Variants in LRRC7 observed in about 807,000 individuals in gnomAD.
The protein encoded by LRRC7 is leucine-rich repeat-containing protein 7.
Under a neutral mutation model 175.7 loss-of-function variants are expected in LRRC7, and 23 were observed. That is an observed-to-expected ratio of 0.13 (90% confidence interval 0.09 to 0.19). LRRC7 has a LOEUF of 0.19. LRRC7 is among the 10% of genes least tolerant of loss of function. The pLI is 1.00. For missense variants in LRRC7, 1,354 were observed against 1,904.7 expected (o/e 0.71, Z 5.38); for synonymous variants, 685 against 680.9 (o/e 1.01, Z -0.09).
In LRRC7 at chr1:70,038,117, G is replaced by T. The variant is rs1659497483; in HGVS notation, c.2293G>T (p.Ala765Ser). Reference protein sequence around the residue: ...VHNSLWGNRIAPSFPQPLDSK... With the variant: ...VHNSLWGNRISPSFPQPLDSK... The stretch of plus-strand genomic sequence containing the variant: ...TTCTTCCCATTGTGTTCACAGGATT[G>T]CACCATCTTTCCCACAGCCTCTTGA... The change falls in exon 21 of 27, where the codon GCA becomes TCA. Residue 765 changes from alanine to serine, a missense_variant. Ala to Ser is a moderately conservative substitution (Grantham distance 99). Around this residue, in one of 4 missense-constraint regions of LRRC7, gnomAD observed 1,032 missense variants for 1,227.2 expected, o/e 0.84. Coordinates refer to ENST00000651989, the MANE Select transcript of LRRC7 (RefSeq NM_001370785.2). 1 of 1,605,182 alleles carries T rather than the reference G, an allele frequency of 6.2e-7. No homozygotes were observed.
At chr1:69,894,443 T>C (rs1006106263) in intron 7 of LRRC7, among the ~76,000 whole-genome samples, 4 of 152,226 alleles carry the variant, frequency 2.6e-5, no homozygotes, top group African/African-American at 9.7e-5. Flanking sequence ...TGAATACATA[T>C]TGAATTCATT....
At chr1:69,640,638 CAT>C (rs918538514) in intron 1 of LRRC7, among the ~76,000 whole-genome samples, 103 of 139,966 alleles carry the variant, frequency 7.4e-4, no homozygotes, top group Non-Finnish European at 3.3e-4. Context: ...TCTCTTTTGT[CAT>C]TTTTTTTTAA....
rs1292635848 is a variant in LRRC7, at chr1:69,792,180, A to G, written c.421+20A>G. 1 of 1,324,580 alleles carries G rather than the reference A, an allele frequency of 7.5e-7. No homozygotes were observed. 82.1% of individuals were successfully genotyped at this position (1,324,580 alleles called of 1,614,324 possible). ...AAAATGGTAAGATTTTTCTCTCATC[A>G]TAAAATACCTAGAATTTTTTAACTG... On this transcript the variant is annotated intron_variant, in intron 4 of 26. Transcript: ENST00000651989.
intron 12 of LRRC7, 80 bp downstream of exon 12, chr1:70,012,006 A>G (rs1054965185): frequency 3.3e-6 from 3 of 922,484 alleles, no homozygotes; most frequent in African/African-American, 3.3e-5. Flanking sequence ...TAGAATAGCA[A>G]TGTAGATTCA....
rs1213239334 is a variant in LRRC7, at chr1:70,137,582, T to C, written c.*15695T>C. ...GGGGGTTGCTTTGTGTTTAAGTACC[T>C]AATAGACCCACCAGAGTTCAGTAAG... is the stretch of plus-strand genomic sequence containing the variant. On this transcript the variant is annotated 3_prime_UTR_variant, in exon 27 of 27. Transcript: ENST00000651989. 6.6e-6 allele frequency among the ~76,000 whole-genome samples: 1 copy of C among 152,240 alleles called. No individual in the cohort carries two copies. The highest frequency in any genetic ancestry group is 1.5e-5 in the Non-Finnish European group (1 of 68,040).
At position 70,124,948 on chromosome 1, in the gene LRRC7, C is replaced by A. The variant is rs146792324; in HGVS notation, c.*3061C>A. On this transcript the variant is annotated 3_prime_UTR_variant, in exon 27 of 27. Transcript: ENST00000651989. The stretch of plus-strand genomic sequence containing the variant: ...TAGAAAGAGCAAGTGATGAAAATTA[C>A]TAGTAAAATTGCAAATTTTGCAAGA... Among the ~76,000 whole-genome samples the A allele has an allele frequency of 1.3e-3, 197 of 152,222 alleles. No individual in the cohort carries two copies. Among genetic ancestry groups the A allele is most frequent in the Non-Finnish European group, 2.3e-3 (158 of 68,008 alleles).
chr1:69,648,942 G>T (rs1322829566), intron 1 of LRRC7, among the ~76,000 whole-genome samples: 1 of 152,166 alleles, frequency 6.6e-6, no homozygotes, highest in Non-Finnish European at 1.5e-5. Flanking sequence ...GTATTTTTAT[G>T]GATTCTAGAA....
chr1:69,653,515 G>A (rs1192704194), intron 1 of LRRC7, among the ~76,000 whole-genome samples: 1 of 151,992 alleles, frequency 6.6e-6, no homozygotes, highest in Non-Finnish European at 1.5e-5. Context: ...ACTGTTAGCA[G>A]GGATGTGGAC....
intron 2 of LRRC7, among the ~76,000 whole-genome samples, chr1:69,701,681 A>G (rs1663376795): frequency 6.6e-6 from 1 of 152,240 alleles, no homozygotes; most frequent in South Asian, 2.1e-4. Context: ...TATGTGGAAT[A>G]TGTAAGTGTT....
chr1:70,091,718 G>A (rs1664047078), intron 25 of LRRC7, among the ~76,000 whole-genome samples: 1 of 152,116 alleles, frequency 6.6e-6, no homozygotes, highest in Non-Finnish European at 1.5e-5. Flanking sequence ...ACATTTTGAT[G>A]ACTCTAGTGA....
intron 2 of LRRC7, among the ~76,000 whole-genome samples, chr1:69,729,220 C>T (rs1667297155): frequency 6.6e-6 from 1 of 152,088 alleles, no homozygotes; most frequent in African/African-American, 2.4e-5. Flanking sequence ...CAAACCATAT[C>T]ATTCTACCCT....
intron 4 of LRRC7, among the ~76,000 whole-genome samples, chr1:69,806,992 C>T (rs953151912): frequency 2.6e-5 from 4 of 152,086 alleles, no homozygotes; most frequent in Non-Finnish European, 5.9e-5. Flanking sequence ...GTATTGGGTG[C>T]ATATGTATTT....
intron 9 of LRRC7, among the ~76,000 whole-genome samples, chr1:69,984,208 G>A (rs181857903): frequency 1.3e-5 from 2 of 152,298 alleles, no homozygotes; most frequent in Non-Finnish European, 2.9e-5. Flanking sequence ...ACAGGCGTGA[G>A]CCACCGCGCC....
At chr1:69,576,983 C>G (rs182897915) in intron 1 of LRRC7, among the ~76,000 whole-genome samples, 3 of 152,126 alleles carry the variant, frequency 2.0e-5, no homozygotes, top group Non-Finnish European at 2.9e-5. Flanking sequence ...TATTTACACA[C>G]GTAATATAAG....
rs1226202122 is a variant in LRRC7, at chr1:70,016,450, T to C, written c.1251-15T>C. 6.4e-7 allele frequency: 1 copy of C among 1,565,316 alleles called. No homozygotes were observed. Among genetic ancestry groups the C allele is most frequent in the Non-Finnish European group, 8.7e-7 (1 of 1,155,782 alleles). ...CATCTTTACCCATGCTATTAGACTTTTTGTGTTTTTGCAGATTGAAGAATT... is the reference window on the plus strand; with the variant it reads ...CATCTTTACCCATGCTATTAGACTTCTTGTGTTTTTGCAGATTGAAGAATT... On this transcript the variant is annotated splice_polypyrimidine_tract_variant and intron_variant, in intron 13 of 26. Coordinates refer to ENST00000651989, the MANE Select transcript of LRRC7 (RefSeq NM_001370785.2).
At chr1:69,726,357 A>G (rs1478199930) in intron 2 of LRRC7, among the ~76,000 whole-genome samples, 1 of 152,196 alleles carries the variant, frequency 6.6e-6, no homozygotes, top group African/African-American at 2.4e-5. Flanking sequence ...AAACCTCTAT[A>G]GAGTTATAGG....
chr1:69,688,941 C>T (rs1038326580), intron 2 of LRRC7, among the ~76,000 whole-genome samples: 3 of 152,164 alleles, frequency 2.0e-5, no homozygotes, highest in Non-Finnish European at 2.9e-5. Flanking sequence ...ACATACTCAA[C>T]TATCCCAAAA....
At chr1:69,739,602 T>G (rs1668489730) in intron 2 of LRRC7, among the ~76,000 whole-genome samples, 1 of 152,070 alleles carries the variant, frequency 6.6e-6, no homozygotes, top group Non-Finnish European at 1.5e-5. Context: ...TAGGCCTTTG[T>G]GTTCATTTTT....
chr1:69,736,440 C>T (rs1360719791), intron 2 of LRRC7, among the ~76,000 whole-genome samples: 1 of 152,018 alleles, frequency 6.6e-6, no homozygotes, highest in African/African-American at 2.4e-5. Flanking sequence ...CAGACTTTAA[C>T]AGAATCCAGT....
Sources: gnomAD v4.1 joint callset for allele counts (sites outside exome capture counted in the v4.1 genomes callset) on GRCh38, gnomAD v4.1.1 for gene constraint, gnomAD v4.1.1 regional missense constraint, MANE v1.5 for transcripts, NCBI Gene and HGNC (gene_info 2026-07-23, HGNC 2026-07-21) for gene names.